DNAH7: variants seen among roughly 807,000 people sequenced by gnomAD.
The protein encoded by DNAH7 is dynein axonemal heavy chain 7.
Under a neutral mutation model 444.6 loss-of-function variants are expected in DNAH7, and 397 were observed. The ratio of observed to expected loss-of-function variants is 0.89; its 90% confidence interval spans 0.82 to 0.97. The LOEUF (loss-of-function observed/expected upper bound fraction) is 0.97, where lower values mean the gene tolerates loss of function less well. Among genes scored for constraint, DNAH7 ranks in the 50% least tolerant of loss-of-function variants. The pLI, the probability that DNAH7 is intolerant of heterozygous loss-of-function variation, is 0.00. For synonymous variants in DNAH7, 1,636 were observed against 1,624.4 expected (o/e 1.01, Z -0.17); for missense variants, 4,902 against 4,800.8 (o/e 1.02, Z -0.62).
In DNAH7 at chr2:196,000,903, T is replaced by G. The variant is rs1445241970; in HGVS notation, c.1174-20A>C. 8.4e-6 allele frequency: 13 copies of G among 1,545,218 alleles called. No homozygotes were observed. The highest frequency in any genetic ancestry group is 1.1e-5 in the Non-Finnish European group (13 of 1,149,646). ...AGAATCCTGCAAAAAATTAAAAAAT[T>G]TACATACATAAATATGTATGAATTG... On this transcript the variant is annotated intron_variant, in intron 11 of 64. Coordinates refer to ENST00000312428, the MANE Select transcript of DNAH7 (RefSeq NM_018897.3).
At chr2:196,018,714 A>G (rs1695175301) in intron 9 of DNAH7, among the ~76,000 whole-genome samples, 1 of 152,144 alleles carries the variant, frequency 6.6e-6, no homozygotes, top group Admixed American at 6.5e-5. Context: ...GTACAAGAAA[A>G]TATATAGTTA....
rs893742313 is a variant in DNAH7 at position 195,817,720 on chromosome 2, A to G, written c.9401T>C (p.Ile3134Thr). 6.8e-6 allele frequency: 11 copies of G among 1,610,670 alleles called. No individual in the cohort carries two copies. Among genetic ancestry groups the G allele is most frequent in the Admixed American group, 1.7e-5 (1 of 59,280 alleles). Residue 3134 changes from isoleucine (I) to threonine (T), a missense_variant, in exon 50 of 65, where the codon ATA becomes ACA. Coordinates refer to ENST00000312428, the MANE Select transcript of DNAH7 (RefSeq NM_018897.3). ...PDLEEEKQAL[I>T]LQGAENKRQL... is the part of the protein sequence containing the mutation. ...CCTTTTATTTTCAGCTCCTTGTAATATCAAGGCTTGCTTTTCTTCTTCAAG... is the reference window on the plus strand; with the variant it reads ...CCTTTTATTTTCAGCTCCTTGTAATGTCAAGGCTTGCTTTTCTTCTTCAAG...
At chr2:195,775,725 T>G in intron 60 of DNAH7, 121 bp downstream of exon 60, 1 of 1,136,438 alleles carries the variant, frequency 8.8e-7, no homozygotes, top group Non-Finnish European at 1.2e-6. Flanking sequence ...TTTTGTCTTT[T>G]CCTTTAAATG....
chr2:195,841,176 T>C (rs1053724007), intron 47 of DNAH7, among the ~76,000 whole-genome samples: 5 of 151,796 alleles, frequency 3.3e-5, no homozygotes, highest in African/African-American at 1.2e-4. Flanking sequence ...AAAAGGATAA[T>C]ATTTTCAACA....
intron 24 of DNAH7, among the ~76,000 whole-genome samples, chr2:195,917,005 G>T (rs1687724884): frequency 6.6e-6 from 1 of 151,054 alleles, no homozygotes; most frequent in Admixed American, 6.6e-5. Context: ...GGGAGGCTGA[G>T]TCAGGAGAAT....
At chr2:195,787,417 G>C (rs1342634329) in intron 57 of DNAH7, among the ~76,000 whole-genome samples, 1 of 152,114 alleles carries the variant, frequency 6.6e-6, no homozygotes, top group Non-Finnish European at 1.5e-5. Context: ...TAGGAAGCAT[G>C]GGAGGCTCAT....
chr2:195,756,385 C>A, intron 61 of DNAH7, 100 bp from the exon 62 acceptor site: 1 of 1,076,546 alleles, frequency 9.3e-7, no homozygotes, highest in Non-Finnish European at 1.3e-6. Context: ...CCTTTGTTTA[C>A]ATTGTGATTA....
intron 5 of DNAH7, among the ~76,000 whole-genome samples, chr2:196,038,551 T>C (rs539934856): frequency 1.3e-5 from 2 of 151,952 alleles, no homozygotes; most frequent in South Asian, 4.2e-4. Flanking sequence ...ACTAGTTGAG[T>C]TGATTAAAAA....
At position 195,979,645 on chromosome 2, in the gene DNAH7, TAAAGG is replaced by T. The variant is rs201045505; in HGVS notation, c.1833+4982_1833+4986del. ...AGAGCAGAAATAAATGAAATTGAAA[TAAAGG>T]AAAGAATACCAAAAGATGAACTGAA... is the stretch of plus-strand genomic sequence containing the variant. On this transcript the variant is annotated intron_variant, in intron 15 of 64. Transcript: ENST00000312428. Among the ~76,000 whole-genome samples, 151 of 151,514 alleles carry T rather than the reference TAAAGG, an allele frequency of 1.0e-3. No homozygotes were observed. In the East Asian group the frequency reaches 0.02, roughly 20 times the overall value.
chr2:195,809,703 G>A (rs371719336), intron 52 of DNAH7, 42 bp downstream of exon 52: 94 of 1,460,342 alleles, frequency 6.4e-5, no homozygotes, highest in African/African-American at 4.0e-4. Flanking sequence ...ATGAATCAGC[G>A]TTATTAAGGG....
chr2:196,051,073 C>T, intron 3 of DNAH7, 114 bp downstream of exon 3: 1 of 910,018 alleles, frequency 1.1e-6, no homozygotes, highest in Admixed American at 1.9e-5. Flanking sequence ...AGAATTTCTC[C>T]ATCAGAAAAG....
intron 56 of DNAH7, among the ~76,000 whole-genome samples, 199 bp downstream of exon 56, chr2:195,796,377 T>G (rs900680950): frequency 6.6e-6 from 1 of 152,164 alleles, no homozygotes; most frequent in African/African-American, 2.4e-5. Context: ...TTAAGAGGGA[T>G]TTGCCCAGGC....
chr2:195,817,559 T>A, intron 50 of DNAH7, 137 bp downstream of exon 50: 1 of 928,716 alleles, frequency 1.1e-6, no homozygotes, highest in Non-Finnish European at 1.5e-6. Context: ...AGAGGTATAA[T>A]TCCTTACATT....
At chr2:195,838,386 C>G (rs909980345) in intron 47 of DNAH7, among the ~76,000 whole-genome samples, 6 of 151,804 alleles carry the variant, frequency 4.0e-5, no homozygotes, top group Admixed American at 1.3e-4. Context: ...CCAGAAAAAA[C>G]TTTAAAGCAG....
At chr2:195,941,028 A>AC (rs1689398195) in intron 19 of DNAH7, among the ~76,000 whole-genome samples, 1 of 152,144 alleles carries the variant, frequency 6.6e-6, no homozygotes, top group African/African-American at 2.4e-5. Flanking sequence ...CTAGGTATAT[A>AC]CCCAAAGGAT....
In DNAH7 at chr2:195,834,350, T is replaced by C; in HGVS notation, c.8956A>G (p.Arg2986Gly). 6.3e-7 allele frequency: 1 copy of C among 1,592,068 alleles called. No homozygotes were observed. The highest frequency in any genetic ancestry group is 8.6e-7 in the Non-Finnish European group (1 of 1,163,494). ...DNGIIIMNARRWPLMIDPQSQ... is the reference protein window; with the variant it reads ...DNGIIIMNARGWPLMIDPQSQ... Reference sequence around the variant, plus strand: ...TGAGGATCTATCATCAGAGGCCACCTTCTTGCATTCCTGAAAAGGAGGAGA... The same window carrying C: ...TGAGGATCTATCATCAGAGGCCACCCTCTTGCATTCCTGAAAAGGAGGAGA... Residue 2986 changes from arginine to glycine, a missense_variant, in exon 48 of 65, where the codon AGG (arginine) becomes GGG (glycine). Transcript: ENST00000312428.
intron 29 of DNAH7, among the ~76,000 whole-genome samples, chr2:195,896,301 A>G (rs1702312058): frequency 2.0e-5 from 3 of 150,990 alleles, no homozygotes; most frequent in South Asian, 2.1e-4. Context: ...TGCTTAGGCC[A>G]TATGTTTATA....
intron 61 of DNAH7, among the ~76,000 whole-genome samples, chr2:195,766,583 A>C (rs1203747540): frequency 6.6e-6 from 1 of 152,112 alleles, no homozygotes; most frequent in African/African-American, 2.4e-5. Context: ...TGGTTAATGA[A>C]TATTTTAAAA....
Position 195,910,071 on chromosome 2 carries a change from A to AG in DNAH7, c.4059dup (p.Cys1354LeufsTer3). On this transcript the variant is annotated frameshift_variant, in exon 25 of 65. Transcript: ENST00000312428. LOFTEE classifies it high-confidence loss of function. ...GCCAAATAATCCAACCCATCAGAGC[A>AG]GTTGAAAACAACACATTGTTTGGCT... 6.2e-7 allele frequency: 1 copy of AG among 1,613,914 alleles called. No individual in the cohort carries two copies. The highest frequency in any genetic ancestry group is 8.5e-7 in the Non-Finnish European group (1 of 1,179,868).
Sources: gnomAD v4.1 joint callset for allele counts (sites outside exome capture counted in the v4.1 genomes callset) on GRCh38, gnomAD v4.1.1 for gene constraint, MANE v1.5 for transcripts, NCBI Gene and HGNC (gene_info 2026-07-23, HGNC 2026-07-21) for gene names.